VTI1A: variants seen among roughly 807,000 people sequenced by gnomAD.
VTI1A encodes vesicle transport through interaction with t-SNAREs 1A.
In VTI1A, 22 loss-of-function variants were observed where a neutral mutation model predicts 34.9. The ratio of observed to expected loss-of-function variants is 0.63; its 90% confidence interval spans 0.45 to 0.90. The LOEUF is 0.90. VTI1A is among the 40% of genes least tolerant of loss of function. The probability of loss-of-function intolerance (pLI) is 0.00; values close to 1 mark genes in which losing one functional copy is unlikely to be tolerated. For missense variants in VTI1A, 268 were observed against 275.6 expected (o/e 0.97, Z 0.20); for synonymous variants, 87 against 97.3 (o/e 0.89, Z 0.62).
intron 7 of VTI1A, among the ~76,000 whole-genome samples, chr10:112,674,801 G>A (rs1490542471): frequency 6.6e-6 from 1 of 152,182 alleles, no homozygotes; most frequent in African/African-American, 2.4e-5. Flanking sequence ...GAATTAGGAT[G>A]TGAACTTAGT....
intron 3 of VTI1A, among the ~76,000 whole-genome samples, chr10:112,526,119 A>G (rs1182908864): frequency 1.3e-5 from 2 of 152,188 alleles, no homozygotes; most frequent in Admixed American, 1.3e-4. Context: ...GCAAATCTGA[A>G]TTTAGGTCTG....
intron 5 of VTI1A, among the ~76,000 whole-genome samples, chr10:112,640,130 A>G (rs1039728553): frequency 6.6e-6 from 1 of 152,198 alleles, no homozygotes; most frequent in Non-Finnish European, 1.5e-5. Context: ...TATCTCTTAA[A>G]TCATTTTTAT....
chr10:112,580,595 C>G (rs1843891012), intron 5 of VTI1A, among the ~76,000 whole-genome samples: 1 of 152,122 alleles, frequency 6.6e-6, no homozygotes, highest in African/African-American at 2.4e-5. Flanking sequence ...AAGTTGATGC[C>G]TTTTGAGAAC....
chr10:112,762,036 G>A (rs1851487066), intron 7 of VTI1A, among the ~76,000 whole-genome samples: 1 of 152,008 alleles, frequency 6.6e-6, no homozygotes, highest in African/African-American at 2.4e-5. Context: ...TGTTGCACTG[G>A]ATACATTACA....
chr10:112,804,096 A>T (rs926144205), intron 7 of VTI1A, among the ~76,000 whole-genome samples: 1 of 152,198 alleles, frequency 6.6e-6, no homozygotes, highest in Admixed American at 6.5e-5. Context: ...ACTGATCTAA[A>T]CCCATCGGAC....
intron 3 of VTI1A, among the ~76,000 whole-genome samples, chr10:112,507,553 C>T (rs745635742): frequency 2.0e-5 from 3 of 152,160 alleles, no homozygotes; most frequent in East Asian, 1.9e-4. Flanking sequence ...TTTCTGCCCC[C>T]GACCTCCACC....
At chr10:112,635,805 C>G (rs991260370) in intron 5 of VTI1A, among the ~76,000 whole-genome samples, 4 of 152,180 alleles carry the variant, frequency 2.6e-5, no homozygotes, top group Admixed American at 2.6e-4. Flanking sequence ...CCACTTGATT[C>G]GCCCACATTT....
At chr10:112,453,089 T>C (rs546914571) in intron 1 of VTI1A, among the ~76,000 whole-genome samples, 77 of 152,222 alleles carry the variant, frequency 5.1e-4, no homozygotes, top group Non-Finnish European at 9.0e-4. Context: ...CTGATGACTT[T>C]ACAGTTTAGA....
At chr10:112,790,851 TAGG>T (rs1590187429) in intron 7 of VTI1A, among the ~76,000 whole-genome samples, 1 of 149,372 alleles carries the variant, frequency 6.7e-6, no homozygotes, top group Non-Finnish European at 1.5e-5. Context: ...AGTCCCCTGG[TAGG>T]AGGATTTTTG....
At chr10:112,570,963 C>A (rs769075296) in intron 5 of VTI1A, among the ~76,000 whole-genome samples, 1 of 152,214 alleles carries the variant, frequency 6.6e-6, no homozygotes, top group African/African-American at 2.4e-5. Context: ...GTCCTATCAT[C>A]CCCACTTTAC....
intron 3 of VTI1A, among the ~76,000 whole-genome samples, chr10:112,465,340 G>A (rs1847860877): frequency 1.3e-5 from 2 of 151,960 alleles, no homozygotes; most frequent in South Asian, 4.1e-4. Context: ...ATACAGCTGA[G>A]TAATTCCACT....
chr10:112,495,099 G>A (rs1848963111), intron 3 of VTI1A, among the ~76,000 whole-genome samples: 1 of 148,016 alleles, frequency 6.8e-6, no homozygotes. Context: ...AGGCCTGAAT[G>A]TTTTACCACA....
chr10:112,537,082 T>G (rs755218144), intron 4 of VTI1A, among the ~76,000 whole-genome samples: 9 of 151,844 alleles, frequency 5.9e-5, no homozygotes, highest in Non-Finnish European at 8.8e-5. Flanking sequence ...ATAATATGTG[T>G]GGCACCTCCT....
At chr10:112,852,900 TC>T in the VTI1A span, among the ~76,000 whole-genome samples, 1 of 152,132 alleles carries the variant, frequency 6.6e-6, no homozygotes, top group Admixed American at 6.5e-5. Flanking sequence ...TGCCTCAGCC[TC>T]CCGAGTAAGT....
intron 3 of VTI1A, among the ~76,000 whole-genome samples, chr10:112,518,993 T>G (rs1198114277): frequency 6.6e-6 from 1 of 152,076 alleles, no homozygotes; most frequent in Non-Finnish European, 1.5e-5. Flanking sequence ...AATTTTCTTA[T>G]ATTGCCTAAA....
At chr10:112,497,594 G>T (rs1053843040) in intron 3 of VTI1A, among the ~76,000 whole-genome samples, 17 of 152,266 alleles carry the variant, frequency 1.1e-4, no homozygotes, top group African/African-American at 4.1e-4. Flanking sequence ...ATTTTTGTCT[G>T]ACACAAATTA....
rs146631764 is a variant in VTI1A, at chr10:112,600,991, A to G, written c.427+62661A>G. On this transcript the variant is annotated intron_variant, in intron 5 of 7. Transcript: ENST00000393077. ...AATCTAGTAAAGAAGACAAATTTCA[A>G]TCGGTGTTGGACTGACAGGTGTAAG... Among the ~76,000 whole-genome samples the G allele has an allele frequency of 1.2e-3, 179 of 152,326 alleles. 1 individual carries two copies. Among genetic ancestry groups the G allele is most frequent in the African/African-American group, 4.1e-3 (170 of 41,576 alleles).
intron 5 of VTI1A, among the ~76,000 whole-genome samples, chr10:112,652,127 A>C (rs1039516379): frequency 6.6e-6 from 1 of 152,236 alleles, no homozygotes; most frequent in Non-Finnish European, 1.5e-5. Flanking sequence ...AGACAATGTA[A>C]AGGGATGGAA....
chr10:112,474,544 C>T (rs1268067101), intron 3 of VTI1A, among the ~76,000 whole-genome samples: 5 of 151,728 alleles, frequency 3.3e-5, no homozygotes, highest in African/African-American at 1.2e-4. Context: ...TAGCCTTGAC[C>T]TCCTAGGCTC....
Sources: gnomAD v4.1 joint callset for allele counts (sites outside exome capture counted in the v4.1 genomes callset) on GRCh38, gnomAD v4.1.1 for gene constraint, MANE v1.5 for transcripts, NCBI Gene and HGNC (gene_info 2026-07-23, HGNC 2026-07-21) for gene names.